Variants in NCOR1 observed in about 807,000 individuals in gnomAD.
NCOR1 encodes the protein protein phosphatase 1, regulatory subunit 109.
A neutral mutation model predicts 288.1 loss-of-function variants in NCOR1; 63 were observed. That is an observed-to-expected ratio of 0.22 (90% CI 0.18 to 0.27). NCOR1 has a LOEUF of 0.27. Ranked by LOEUF, NCOR1 falls within the 10% of genes least tolerant of loss-of-function variation. The probability of loss-of-function intolerance (pLI) is 1.00; values close to 1 mark genes in which losing one functional copy is unlikely to be tolerated. For missense variants in NCOR1, 2,397 were observed against 3,019.2 expected (o/e 0.79, Z 4.83); for synonymous variants, 1,007 against 1,065.9 (o/e 0.94, Z 1.08).
At chr17:16,056,460 T>C (rs1271784131) in intron 40 of NCOR1, among the ~76,000 whole-genome samples, 2 of 151,996 alleles carry the variant, frequency 1.3e-5, no homozygotes, top group Non-Finnish European at 2.9e-5. Flanking sequence ...TACAGGCACC[T>C]GCCATCATGC....
intron 29 of NCOR1, 63 bp downstream of exon 29, chr17:16,072,082 T>C (rs950714398): frequency 4.8e-6 from 6 of 1,256,828 alleles, no homozygotes; most frequent in Admixed American, 3.8e-5. Flanking sequence ...TGTAAATTAA[T>C]GTCAAACTAT....
intron 10 of NCOR1, among the ~76,000 whole-genome samples, chr17:16,146,102 C>T (rs1254914715): frequency 6.6e-6 from 1 of 152,104 alleles, no homozygotes; most frequent in Non-Finnish European, 1.5e-5. Context: ...AGGCAGCATG[C>T]TCGTTAAGAG....
rs546066416 is a variant in NCOR1, at chr17:16,071,171, G to A, written c.4152+238C>T. 2.6e-4 allele frequency among the ~76,000 whole-genome samples: 40 copies of A among 152,010 alleles called. No individual in the cohort carries two copies. The South Asian group carries it at 6.9e-3, about 26-fold the overall frequency. ...TACATGCCTGTAGTCCTAGCTACTC[G>A]GGAGGCTGAGGTGGGAGGATCGCTT... On this transcript the variant is annotated intron_variant, in intron 30 of 45. Transcript: ENST00000268712.
At chr17:16,203,053 A>G (rs1420616958) in intron 1 of NCOR1, among the ~76,000 whole-genome samples, 1 of 149,644 alleles carries the variant, frequency 6.7e-6, no homozygotes, top group Non-Finnish European at 1.5e-5. Context: ...ACACACACAC[A>G]CACACACACA....
chr17:16,212,631 C>A (rs1462335477), intron 1 of NCOR1, among the ~76,000 whole-genome samples: 1 of 152,168 alleles, frequency 6.6e-6, no homozygotes, highest in Non-Finnish European at 1.5e-5. Flanking sequence ...ACAATTAAAA[C>A]CAAATAACCA....
chr17:16,061,565 T>C lies in NCOR1; in HGVS notation c.5717A>G (p.Asp1906Gly), dbSNP rs2060550081. Residue 1906 changes from aspartate to glycine, a missense_variant, in exon 37 of 46, where the codon GAT (aspartate) becomes GGT (glycine). Asp to Gly is a moderately conservative substitution (Grantham distance 94). Coordinates refer to ENST00000268712, the MANE Select transcript of NCOR1 (RefSeq NM_006311.4). ...SSVVYSEAGKDKGPPPKSRYE... is the reference protein window; with the variant it reads ...SSVVYSEAGKGKGPPPKSRYE... ...TCTGGATTTTGGAGGAGGCCCTTTA[T>C]CTTTCCCAGCCTCAGAATAAACTAC... 1.9e-6 allele frequency: 3 copies of C among 1,614,090 alleles called. No individual in the cohort carries two copies. Among genetic ancestry groups the C allele is most frequent in the Non-Finnish European group, 2.5e-6 (3 of 1,180,046 alleles).
At chr17:16,117,514 G>GAAAAAAA (rs34706253) in intron 18 of NCOR1, among the ~76,000 whole-genome samples, 2 of 103,788 alleles carry the variant, frequency 1.9e-5, no homozygotes, top group African/African-American at 3.7e-5. Context: ...CTGGAGCTCA[G>GAAAAAAA]AAAAAAAAAA....
At chr17:16,207,737 T>G (rs1289546564) in intron 1 of NCOR1, among the ~76,000 whole-genome samples, 2 of 118,286 alleles carry the variant, frequency 1.7e-5, no homozygotes, top group Admixed American at 9.9e-5. Context: ...AGACTCCATC[T>G]CCAAAAAAAA....
intron 14 of NCOR1, among the ~76,000 whole-genome samples, chr17:16,129,321 T>C (rs1056367846): frequency 1.3e-5 from 2 of 152,192 alleles, no homozygotes; most frequent in Non-Finnish European, 2.9e-5. Context: ...TTGTCCTCAT[T>C]GTGACCTTTG....
chr17:16,070,169 A>G lies in NCOR1; in HGVS notation c.4509T>C (p.Ser1503=), dbSNP rs908479423. The G allele has an allele frequency of 1.2e-6, 2 of 1,601,536 alleles. No homozygotes were observed. Among genetic ancestry groups the G allele is most frequent in the African/African-American group, 1.3e-5 (1 of 74,194 alleles). The change falls in exon 31 of 46, where the codon TCT becomes TCC. Residue 1503 remains serine (S), a synonymous_variant. Coordinates refer to ENST00000268712, the MANE Select transcript of NCOR1 (RefSeq NM_006311.4). Reference sequence around the variant, plus strand: ...CAAGCAACAAAAGTAACATACCATCAGAAGTTCTGTTCATCATGGGTGAGC... The same window carrying G: ...CAAGCAACAAAAGTAACATACCATCGGAAGTTCTGTTCATCATGGGTGAGC... ...SRGSPMMNRT[S]DVTISSNKST...
chr17:16,194,891 A>G (rs185731466), intron 1 of NCOR1, among the ~76,000 whole-genome samples: 4 of 152,262 alleles, frequency 2.6e-5, no homozygotes, highest in South Asian at 2.1e-4. Flanking sequence ...TAAAAACAGC[A>G]TAAGATCTGG....
intron 37 of NCOR1, 67 bp from the exon 38 acceptor site, chr17:16,058,666 A>C (rs1354011016): frequency 6.9e-7 from 1 of 1,458,192 alleles, no homozygotes; most frequent in African/African-American, 1.4e-5. Flanking sequence ...TAAGTTCTTC[A>C]CACCTGTAGC....
At chr17:16,207,031 C>A (rs749247548) in intron 1 of NCOR1, among the ~76,000 whole-genome samples, 1 of 152,160 alleles carries the variant, frequency 6.6e-6, no homozygotes, top group Non-Finnish European at 1.5e-5. Context: ...TCCCCCCCAA[C>A]AGAATGTATA....
chr17:16,166,710 G>A (rs116233553), intron 4 of NCOR1, among the ~76,000 whole-genome samples: 3 of 151,450 alleles, frequency 2.0e-5, no homozygotes, highest in South Asian at 2.1e-4. Flanking sequence ...CAGATTTGGT[G>A]TATAACCATC....
At chr17:16,076,650 T>C (rs777569631) in intron 26 of NCOR1, among the ~76,000 whole-genome samples, 1 of 152,212 alleles carries the variant, frequency 6.6e-6, no homozygotes, top group Non-Finnish European at 1.5e-5. Flanking sequence ...TCTCTTATTC[T>C]AGGCAACAAC....
At chr17:16,074,898 C>T (rs560081337) in intron 27 of NCOR1, among the ~76,000 whole-genome samples, 5 of 152,234 alleles carry the variant, frequency 3.3e-5, no homozygotes, top group South Asian at 2.1e-4. Flanking sequence ...GACAGACTCT[C>T]GCTCTGTCGC....
intron 10 of NCOR1, among the ~76,000 whole-genome samples, chr17:16,144,291 T>C (rs892437704): frequency 5.3e-5 from 8 of 152,238 alleles, no homozygotes; most frequent in South Asian, 2.1e-4. Flanking sequence ...TCTTACTCAC[T>C]GTCATGTCCA....
intron 1 of NCOR1, among the ~76,000 whole-genome samples, chr17:16,197,389 A>AT (rs1304803172): frequency 6.6e-6 from 1 of 152,086 alleles, no homozygotes; most frequent in Admixed American, 6.6e-5. Context: ...AAATAAATAT[A>AT]CCATCCTCCT....
chr17:16,211,597 G>A (rs1260858025), intron 1 of NCOR1, among the ~76,000 whole-genome samples: 1 of 152,098 alleles, frequency 6.6e-6, no homozygotes, highest in Non-Finnish European at 1.5e-5. Context: ...AGTAACAGCA[G>A]GACATACGGA....
Sources: allele counts gnomAD v4.1 joint callset (sites outside exome capture counted in the v4.1 genomes callset), GRCh38; gene constraint gnomAD v4.1.1; transcripts MANE v1.5; gene names NCBI Gene and HGNC (gene_info 2026-07-23, HGNC 2026-07-21).